The following SYT9 variants were observed in gnomAD, a reference collection of about 807,000 sequenced individuals.
SYT9 encodes the protein synaptotagmin-9.
In SYT9, 22 loss-of-function variants were observed where a neutral mutation model predicts 48.4. The observed-to-expected ratio is 0.45, with a 90% CI of 0.32 to 0.65. SYT9 has a LOEUF of 0.65. Ranked by LOEUF, SYT9 falls within the 30% of genes least tolerant of loss-of-function variation. The pLI is 0.03. For synonymous variants in SYT9, 265 were observed against 245.0 expected (o/e 1.08, Z -0.76); for missense variants, 577 against 622.0 (o/e 0.93, Z 0.77).
At chr11:7,357,264 C>T (rs1457477455) in intron 3 of SYT9, among the ~76,000 whole-genome samples, 3 of 152,048 alleles carry the variant, frequency 2.0e-5, no homozygotes, top group Non-Finnish European at 2.9e-5. Context: ...AAAAAATAAC[C>T]CTTTACCTAT....
intron 3 of SYT9, among the ~76,000 whole-genome samples, chr11:7,415,504 A>C (rs1847225380): frequency 6.6e-6 from 1 of 151,438 alleles, no homozygotes; most frequent in Admixed American, 6.6e-5. Context: ...TGTGTACGGG[A>C]GTGTGTGGGG....
intron 3 of SYT9, among the ~76,000 whole-genome samples, chr11:7,409,780 TTTTG>T (rs1847098888): frequency 6.6e-6 from 1 of 152,146 alleles, no homozygotes; most frequent in South Asian, 2.1e-4. Context: ...GGTTTATCAA[TTTTG>T]TTTATCTTTT....
At chr11:7,282,028 G>T (rs1216172226) in intron 1 of SYT9, among the ~76,000 whole-genome samples, 4 of 152,016 alleles carry the variant, frequency 2.6e-5, no homozygotes, top group Non-Finnish European at 5.9e-5. Context: ...ACACAAAATT[G>T]CTTTAAGTTG....
intron 6 of SYT9, among the ~76,000 whole-genome samples, chr11:7,451,960 A>T (rs1385288039): frequency 6.6e-6 from 1 of 152,174 alleles, no homozygotes; most frequent in Non-Finnish European, 1.5e-5. Flanking sequence ...GTTGGATTCC[A>T]ACTCTAGAGA....
chr11:7,303,707 T>G (rs879728481), intron 2 of SYT9, among the ~76,000 whole-genome samples: 15 of 152,202 alleles, frequency 9.9e-5, no homozygotes, highest in African/African-American at 9.7e-5. Context: ...AGAAGAAACT[T>G]AAGTCAAGGC....
chr11:7,277,890 C>T (rs1564844829), intron 1 of SYT9, among the ~76,000 whole-genome samples: 1 of 152,214 alleles, frequency 6.6e-6, no homozygotes, highest in Non-Finnish European at 1.5e-5. Flanking sequence ...GCTAGGAATG[C>T]TCCATGTAAT....
At position 7,313,675 on chromosome 11, in the gene SYT9, G is replaced by A. The variant is rs760914374; in HGVS notation, c.778G>A (p.Val260Ile). 40 of 1,614,178 alleles carry A rather than the reference G, an allele frequency of 2.5e-5. No individual in the cohort carries two copies. Among genetic ancestry groups the A allele is most frequent in the Non-Finnish European group, 2.7e-5 (32 of 1,180,016 alleles). The change falls in exon 3 of 7, where the codon GTC becomes ATC. Residue 260 changes from valine (V) to isoleucine (I), a missense_variant. Physicochemically the swap from Val to Ile is conservative, Grantham distance 29. Transcript: ENST00000318881. ...CTTTTCTGGGACTTCAGATCCTTATGTCAAGATCTATTTGCTTCCTGATCG... is the reference window on the plus strand; with the variant it reads ...CTTTTCTGGGACTTCAGATCCTTATATCAAGATCTATTTGCTTCCTGATCG... ...KDFSGTSDPY[V>I]KIYLLPDRKT...
intron 3 of SYT9, among the ~76,000 whole-genome samples, chr11:7,336,064 C>T (rs1051553731): frequency 2.6e-5 from 4 of 152,032 alleles, no homozygotes; most frequent in African/African-American, 7.2e-5. Context: ...ATCTCATTGG[C>T]GTTTTCATTT....
chr11:7,330,937 T>A (rs1849516625), intron 3 of SYT9, among the ~76,000 whole-genome samples: 1 of 151,936 alleles, frequency 6.6e-6, no homozygotes, highest in Admixed American at 6.6e-5. Flanking sequence ...CCTCAAGCAA[T>A]ACAGGTGTCC....
At chr11:7,370,656 T>C (rs980279053) in intron 3 of SYT9, among the ~76,000 whole-genome samples, 3 of 152,218 alleles carry the variant, frequency 2.0e-5, no homozygotes, top group East Asian at 3.9e-4. Context: ...AGAAAACACA[T>C]GCACAAGGAA....
chr11:7,451,370 A>G (rs1848044256), intron 6 of SYT9, among the ~76,000 whole-genome samples: 1 of 152,190 alleles, frequency 6.6e-6, no homozygotes, highest in African/African-American at 2.4e-5. Context: ...TAAATGTTGT[A>G]TTTGCAAAGA....
chr11:7,411,205 G>T (rs1847131284), intron 3 of SYT9, among the ~76,000 whole-genome samples: 1 of 152,048 alleles, frequency 6.6e-6, no homozygotes, highest in Non-Finnish European at 1.5e-5. Context: ...GCTCTTAATT[G>T]TTTTCTGATC....
chr11:7,299,328 A>G (rs552954489), intron 1 of SYT9, among the ~76,000 whole-genome samples: 1 of 152,234 alleles, frequency 6.6e-6, no homozygotes, highest in South Asian at 2.1e-4. Context: ...AAACAAGAGA[A>G]AGGTAGAAAT....
At chr11:7,433,189 A>T (rs1380892391) in intron 6 of SYT9, among the ~76,000 whole-genome samples, 2 of 152,106 alleles carry the variant, frequency 1.3e-5, no homozygotes, top group Admixed American at 6.5e-5. Flanking sequence ...TGCCATAAGT[A>T]AAAGCTTCCT....
At chr11:7,355,665 C>T (rs890649512) in intron 3 of SYT9, among the ~76,000 whole-genome samples, 3 of 152,048 alleles carry the variant, frequency 2.0e-5, no homozygotes, top group African/African-American at 7.2e-5. Flanking sequence ...TATGCTATTG[C>T]GAAGTGAAAG....
intron 1 of SYT9, among the ~76,000 whole-genome samples, chr11:7,283,166 C>T (rs57316964): frequency 0.026 from 3,112 of 121,572 alleles, 46 homozygotes; most frequent in East Asian, 0.11. Context: ...TATATATATA[C>T]ACACACACAC....
At chr11:7,460,867 G>A (rs1848223373) in intron 6 of SYT9, among the ~76,000 whole-genome samples, 1 of 152,044 alleles carries the variant, frequency 6.6e-6, no homozygotes, top group Non-Finnish European at 1.5e-5. Context: ...CTAATTACTA[G>A]GAACACAATG....
intron 3 of SYT9, among the ~76,000 whole-genome samples, chr11:7,383,971 T>A (rs1281829381): frequency 1.3e-5 from 2 of 152,152 alleles, no homozygotes; most frequent in Non-Finnish European, 2.9e-5. Context: ...CCATATTTTA[T>A]ATAAAATGTT....
intron 6 of SYT9, 69 bp downstream of exon 6, chr11:7,420,704 G>T: frequency 2.5e-6 from 4 of 1,588,900 alleles, no homozygotes; most frequent in Non-Finnish European, 3.4e-6. Context: ...TGCAGGAGCT[G>T]CCAAACATAT....
Sources: gnomAD v4.1 joint callset for allele counts (sites outside exome capture counted in the v4.1 genomes callset) on GRCh38, gnomAD v4.1.1 for gene constraint, MANE v1.5 for transcripts, NCBI Gene and HGNC (gene_info 2026-07-23, HGNC 2026-07-21) for gene names.